The following APPL2 variants were observed in gnomAD, a reference collection of about 807,000 sequenced individuals.
APPL2 encodes DCC-interacting protein 13-beta.
In APPL2, 84 loss-of-function variants were observed where a neutral mutation model predicts 92.7. That is an observed-to-expected ratio of 0.91 (90% CI 0.76 to 1.09). The LOEUF is 1.09. APPL2 is among the 50% of genes least tolerant of loss of function. The probability of loss-of-function intolerance (pLI) is 0.00; values close to 1 mark genes in which losing one functional copy is unlikely to be tolerated. For synonymous variants in APPL2, 291 were observed against 291.0 expected (o/e 1.00, Z 0.00); for missense variants, 736 against 824.5 (o/e 0.89, Z 1.31).
chr12:105,185,556 C>G (rs1049691373), intron 17 of APPL2, among the ~76,000 whole-genome samples: 3 of 151,878 alleles, frequency 2.0e-5, no homozygotes, highest in African/African-American at 7.3e-5. Context: ...GCTACTTCTG[C>G]TTGCCCTCCA....
chr12:105,194,330 G>A (rs1419009296), intron 14 of APPL2, among the ~76,000 whole-genome samples: 1 of 152,148 alleles, frequency 6.6e-6, no homozygotes, highest in Non-Finnish European at 1.5e-5. Flanking sequence ...CTGTATGCAT[G>A]AAAATGTTTG....
intron 9 of APPL2, among the ~76,000 whole-genome samples, chr12:105,200,584 C>T (rs1243525833): frequency 6.6e-6 from 1 of 152,182 alleles, no homozygotes; most frequent in African/African-American, 2.4e-5. Context: ...GGCCACCCCA[C>T]CCACTAGTGA....
In APPL2 at chr12:105,197,805, G is replaced by T. The variant is rs762120224; in HGVS notation, c.1012C>A (p.Arg338=). Residue 338 remains arginine, a synonymous_variant, in exon 11 of 21, where the codon CGG becomes AGG. Coordinates refer to ENST00000258530, the MANE Select transcript of APPL2 (RefSeq NM_018171.5). ...GTGGTGATCTGGAAGCAGTAGCGCC[G>T]GTCTTCGCAATCCACGGCCATCACT... ...CSVMAVDCED[R]RYCFQITTPN... The T allele has an allele frequency of 1.2e-6, 2 of 1,614,146 alleles. No individual in the cohort carries two copies. The highest frequency in any genetic ancestry group is 1.7e-6 in the Non-Finnish European group (2 of 1,180,034).
chr12:105,202,538 G>A (rs1016968712), intron 9 of APPL2, among the ~76,000 whole-genome samples: 4 of 152,232 alleles, frequency 2.6e-5, no homozygotes, highest in African/African-American at 9.6e-5. Flanking sequence ...AAAGCAGGAT[G>A]AGGAAGAGAC....
At chr12:105,219,223 C>T (rs1889918206) in intron 2 of APPL2, among the ~76,000 whole-genome samples, 2 of 152,200 alleles carry the variant, frequency 1.3e-5, no homozygotes, top group African/African-American at 4.8e-5. Context: ...TGGCAGAATA[C>T]AGTAGAGCCA....
intron 11 of APPL2, 68 bp from the exon 12 acceptor site, chr12:105,195,695 A>T (rs1201495594): frequency 6.4e-7 from 1 of 1,562,380 alleles, no homozygotes; most frequent in African/African-American, 1.4e-5. Flanking sequence ...TCTCTACATA[A>T]ACTGAACTTA....
In APPL2 at chr12:105,174,192, C is replaced by T. The variant is rs2135862839; in HGVS notation, c.*122G>A. The T allele has an allele frequency of 1.6e-6, 2 of 1,253,344 alleles. No individual in the cohort carries two copies. Among genetic ancestry groups the T allele is most frequent in the South Asian group, 1.6e-5 (1 of 63,084 alleles). The allele number at this position is 1,253,344 out of a possible 1,614,324, so 77.6% of individuals were successfully genotyped here. A position where few individuals can be genotyped will look rare whatever the true frequency, so the allele number is the denominator to read the frequency against. On this transcript the variant is annotated 3_prime_UTR_variant, in exon 21 of 21. Coordinates refer to ENST00000258530, the MANE Select transcript of APPL2 (RefSeq NM_018171.5). ...TCTCAGTATCAAGGCATCAAGATTA[C>T]ATTCCACAAACGATTGTCAGCCTTC...
chr12:105,221,910 C>T (rs1369347865), intron 2 of APPL2, among the ~76,000 whole-genome samples: 1 of 152,236 alleles, frequency 6.6e-6, no homozygotes, highest in African/African-American at 2.4e-5. Flanking sequence ...GCAACTGTCA[C>T]CTGAAACCCC....
chr12:105,235,934 G>A, intron 1 of APPL2, 25 bp downstream of exon 1: 1 of 1,238,482 alleles, frequency 8.1e-7, no homozygotes, highest in Non-Finnish European at 1.0e-6. Context: ...CTGCGGGCGA[G>A]GGGCACCGGA....
At chr12:105,232,372 T>C (rs1890987767) in intron 1 of APPL2, among the ~76,000 whole-genome samples, 1 of 152,206 alleles carries the variant, frequency 6.6e-6, no homozygotes, top group South Asian at 2.1e-4. Context: ...AAAACACTCC[T>C]AGACATTCTC....
intron 1 of APPL2, among the ~76,000 whole-genome samples, chr12:105,233,985 G>A (rs1403709710): frequency 1.3e-5 from 2 of 152,184 alleles, no homozygotes. Flanking sequence ...CACCTTGGGA[G>A]TAAAGCTACA....
At position 105,189,822 on chromosome 12, in the gene APPL2, C is replaced by T. The variant is rs749002647; in HGVS notation, c.1409G>A (p.Arg470His). 30 of 1,614,032 alleles carry T rather than the reference C, an allele frequency of 1.9e-5. No homozygotes were observed. The highest frequency in any genetic ancestry group is 6.7e-5 in the East Asian group (3 of 44,898). The change falls in exon 16 of 21, where the codon CGT (arginine) becomes CAT (histidine). Residue 470 changes from arginine to histidine, a missense_variant and splice_region_variant. Coordinates refer to ENST00000258530, the MANE Select transcript of APPL2 (RefSeq NM_018171.5). ...CTCAGTTTCACCAAAAGGGTTGGTA[C>T]GCCTAGGGGAATAGCCAGAGTTGAA... ...EFLDQNRGSRRTNPFGETEDE... is the reference protein window; with the variant it reads ...EFLDQNRGSRHTNPFGETEDE...
chr12:105,191,525 G>T (rs187436925), intron 14 of APPL2, among the ~76,000 whole-genome samples: 1 of 152,162 alleles, frequency 6.6e-6, no homozygotes, highest in Non-Finnish European at 1.5e-5. Context: ...AGAGTCAAAG[G>T]GGGGAGATAG....
At chr12:105,176,141 C>G in intron 19 of APPL2, 59 bp from the exon 20 acceptor site, 1 of 1,479,302 alleles carries the variant, frequency 6.8e-7, no homozygotes, top group Non-Finnish European at 9.3e-7. Context: ...AATTTTAGAA[C>G]AAATGTGATT....
intron 4 of APPL2, among the ~76,000 whole-genome samples, chr12:105,215,086 T>C (rs887078185): frequency 6.6e-6 from 1 of 152,182 alleles, no homozygotes; most frequent in Non-Finnish European, 1.5e-5. Context: ...AAAGGTAAAT[T>C]TAAGTGTTTC....
intron 9 of APPL2, among the ~76,000 whole-genome samples, 198 bp from the exon 10 acceptor site, chr12:105,199,729 A>G (rs949254907): frequency 4.6e-5 from 7 of 152,186 alleles, no homozygotes; most frequent in African/African-American, 1.4e-4. Flanking sequence ...TGCAGTAGTA[A>G]ATGTGTTTAT....
Position 105,174,082 on chromosome 12 carries a change from GA to G in APPL2, c.*231del. ...TCTAAGAAATTTTAGCGCAATCTAA[GA>G]AAAAAGACTTACCACAAAGCACCTA... On this transcript the variant is annotated 3_prime_UTR_variant, in exon 21 of 21. Coordinates refer to ENST00000258530, the MANE Select transcript of APPL2 (RefSeq NM_018171.5). The G allele has an allele frequency of 2.4e-6, 1 of 425,138 alleles. No homozygotes were observed. The highest frequency in any genetic ancestry group is 4.0e-6 in the Non-Finnish European group (1 of 250,348). The allele number at this position is 425,138 out of a possible 1,614,324, so 26.3% of individuals were successfully genotyped here.
At chr12:105,230,591 T>C (rs766700361) in intron 1 of APPL2, among the ~76,000 whole-genome samples, 2 of 152,228 alleles carry the variant, frequency 1.3e-5, no homozygotes, top group Non-Finnish European at 2.9e-5. Context: ...TTGCAATTCC[T>C]CCTTTTCTTT....
At chr12:105,217,609 C>A in intron 3 of APPL2, 57 bp downstream of exon 3, 1 of 1,546,742 alleles carries the variant, frequency 6.5e-7, no homozygotes, top group Non-Finnish European at 8.9e-7. Flanking sequence ...CTGGATAATT[C>A]CACTTAAGAA....
Sources: allele counts gnomAD v4.1 joint callset (sites outside exome capture counted in the v4.1 genomes callset), GRCh38; gene constraint gnomAD v4.1.1; transcripts MANE v1.5; gene names NCBI Gene and HGNC (gene_info 2026-07-23, HGNC 2026-07-21).